Variants in VCAN observed in about 807,000 individuals in gnomAD.
The protein encoded by VCAN is versican, also known as versican core protein.
A neutral mutation model predicts 245.5 loss-of-function variants in VCAN; 44 were observed. The observed-to-expected ratio is 0.18, with a 90% CI of 0.14 to 0.23. VCAN has a LOEUF of 0.23. Among genes scored for constraint, VCAN ranks in the 10% least tolerant of loss-of-function variants. The pLI is 1.00. For synonymous variants in VCAN, 1,413 were observed against 1,437.0 expected (o/e 0.98, Z 0.38); for missense variants, 3,793 against 4,057.9 (o/e 0.93, Z 1.77).
chr5:83,542,389 C>T (rs1747041044), intron 8 of VCAN, 121 bp downstream of exon 8: 4 of 1,101,286 alleles, frequency 3.6e-6, no homozygotes, highest in Middle Eastern at 2.0e-4. Flanking sequence ...ATATTATTCA[C>T]ATAACAGCAG....
At chr5:83,473,527 T>C (rs1744273119) in intron 1 of VCAN, among the ~76,000 whole-genome samples, 2 of 152,102 alleles carry the variant, frequency 1.3e-5, no homozygotes, top group Admixed American at 1.3e-4. Context: ...TCTCTCTCTC[T>C]AGCTTCTGCG....
chr5:83,523,812 C>G (rs1746191547), intron 7 of VCAN, among the ~76,000 whole-genome samples: 1 of 151,884 alleles, frequency 6.6e-6, no homozygotes, highest in South Asian at 2.1e-4. Context: ...TCTCTCGGAA[C>G]TGGTGTAGGA....
At chr5:83,504,865 G>A (rs376636947) in intron 5 of VCAN, among the ~76,000 whole-genome samples, 83 of 152,222 alleles carry the variant, frequency 5.5e-4, no homozygotes, top group African/African-American at 1.8e-3. Context: ...ACAGTTCCAC[G>A]TGGCTGGGGA....
In VCAN at chr5:83,477,812, AAGAGACAT is replaced by A. The variant is rs531062802; in HGVS notation, c.-6-5696_-6-5689del. 8.3e-4 allele frequency among the ~76,000 whole-genome samples: 126 copies of A among 152,342 alleles called. 1 individual carries two copies. The Middle Eastern group carries it at 0.031, about 37-fold the overall frequency. ...AAAATTATGTACAGGTAGTGGCAGA[AAGAGACAT>A]AGAGTTTTAAAATTATAGAAAAAAT... On this transcript the variant is annotated intron_variant, in intron 1 of 14. Transcript: ENST00000265077.
intron 5 of VCAN, among the ~76,000 whole-genome samples, chr5:83,502,718 G>A (rs192134469): frequency 6.6e-6 from 1 of 152,236 alleles, no homozygotes; most frequent in Admixed American, 6.5e-5. Flanking sequence ...CTGATTTAGA[G>A]AATATTAACT....
chr5:83,538,059 G>A lies in VCAN; in HGVS notation c.5056G>A (p.Ala1686Thr). The A allele has an allele frequency of 6.2e-7, 1 of 1,614,056 alleles. No individual in the cohort carries two copies. The highest frequency in any genetic ancestry group is 8.5e-7 in the Non-Finnish European group (1 of 1,179,964). ...CACAGAAAGCTTTTTTGAGGTTCCTGCAACCACCATTTATCCAGTTTCTGA... is the reference window on the plus strand; with the variant it reads ...CACAGAAAGCTTTTTTGAGGTTCCTACAACCACCATTTATCCAGTTTCTGA... ...IITESFFEVP[A>T]TTIYPVSEQP... The change falls in exon 8 of 15, where the codon GCA (alanine) becomes ACA (threonine). Residue 1686 changes from alanine (A) to threonine (T), a missense_variant. By Grantham distance (58) the Ala-to-Thr change is moderately conservative. Around this residue, in one of 5 missense-constraint regions of VCAN, gnomAD observed 3,182 missense variants for 3,250.3 expected, o/e 0.98. Coordinates refer to ENST00000265077, the MANE Select transcript of VCAN (RefSeq NM_004385.5).
Position 83,540,886 on chromosome 5 carries a change from A to G in VCAN, c.7883A>G (p.Asn2628Ser). The G allele has an allele frequency of 6.2e-7, 1 of 1,614,018 alleles. No individual in the cohort carries two copies. Among genetic ancestry groups the G allele is most frequent in the Non-Finnish European group, 8.5e-7 (1 of 1,179,974 alleles). ...CAAGAGATCTATGAGGCAGCTGTCAACCTTTCTTTAACTGAGGAAACATTT... is the reference window on the plus strand; with the variant it reads ...CAAGAGATCTATGAGGCAGCTGTCAGCCTTTCTTTAACTGAGGAAACATTT... ...QVQEIYEAAV[N>S]LSLTEETFEG... Residue 2628 changes from asparagine (N) to serine (S), a missense_variant, in exon 8 of 15, where the codon AAC (asparagine) becomes AGC (serine). By Grantham distance (46) the Asn-to-Ser change is conservative (BLOSUM62 1). Around this residue, in one of 5 missense-constraint regions of VCAN, gnomAD observed 3,182 missense variants for 3,250.3 expected, o/e 0.98. Transcript: ENST00000265077.
In VCAN at chr5:83,521,084, T is replaced by C. The variant is rs1746073956; in HGVS notation, c.2778T>C (p.Gly926=). The change falls in exon 7 of 15, where the codon GGT becomes GGC. Residue 926 remains glycine (G), a synonymous_variant. Coordinates refer to ENST00000265077, the MANE Select transcript of VCAN (RefSeq NM_004385.5). ...CAACCATGGAAGGAAGTGCTTTGGG[T>C]GAAGTAGAAGATGTGGACCTCTCTA... ...VYATMEGSAL[G]EVEDVDLSKP... 6.2e-7 allele frequency: 1 copy of C among 1,614,130 alleles called. No homozygotes were observed. Among genetic ancestry groups the C allele is most frequent in the Non-Finnish European group, 8.5e-7 (1 of 1,179,986 alleles).
At chr5:83,547,308 T>C (rs1747264057) in intron 9 of VCAN, among the ~76,000 whole-genome samples, 1 of 152,154 alleles carries the variant, frequency 6.6e-6, no homozygotes, top group African/African-American at 2.4e-5. Flanking sequence ...CACCTCAAAG[T>C]ATGTGATTCA....
chr5:83,509,032 AAAAGAAAG>A (rs758201936), intron 5 of VCAN, among the ~76,000 whole-genome samples: 8 of 150,970 alleles, frequency 5.3e-5, no homozygotes, highest in African/African-American at 1.2e-4. Context: ...ATCTTTTTTG[AAAAGAAAG>A]AAAGAAAGAA....
In VCAN at chr5:83,519,125, C is replaced by A. The variant is rs187217783; in HGVS notation, c.1043-224C>A. Among the ~76,000 whole-genome samples, 126 of 152,264 alleles carry A rather than the reference C, an allele frequency of 8.3e-4. 2 individuals are homozygous for A. Among genetic ancestry groups the A allele is most frequent in the East Asian group, 5.8e-3 (30 of 5,186 alleles). On this transcript the variant is annotated intron_variant, in intron 6 of 14. Coordinates refer to ENST00000265077, the MANE Select transcript of VCAN (RefSeq NM_004385.5). The stretch of plus-strand genomic sequence containing the variant: ...TACTTTTAGGTAAAAGCAGTGATAA[C>A]CCTTATAACGTAAAACAACTGATCA...
chr5:83,474,223 G>A (rs1744301324), intron 1 of VCAN, among the ~76,000 whole-genome samples: 1 of 151,962 alleles, frequency 6.6e-6, no homozygotes, highest in African/African-American at 2.4e-5. Context: ...GGCAGTGGGA[G>A]GAAAAAAGAA....
intron 5 of VCAN, among the ~76,000 whole-genome samples, chr5:83,509,953 T>C (rs545730756): frequency 6.6e-6 from 1 of 152,356 alleles, no homozygotes; most frequent in Non-Finnish European, 1.5e-5. Context: ...AAAAGAGACC[T>C]AGCTTCTTAA....
chr5:83,502,939 G>A (rs1833890), intron 5 of VCAN, among the ~76,000 whole-genome samples: 4,870 of 152,178 alleles, frequency 0.032, 353 homozygotes, highest in East Asian at 0.29. Flanking sequence ...ACTAACTCTG[G>A]GGTCTAAAAT....
Position 83,520,102 on chromosome 5 carries a change from C to T in VCAN, c.1796C>T (p.Ser599Leu). The part of the protein sequence containing the change: ...TIHTHLEDLE[S>L]VSASTTVSPL... ...CACACTCATTTAGAAGACTTGGAGT[C>T]AGTCTCAGCATCCACAACTGTTTCC... Residue 599 changes from serine to leucine, a missense_variant, in exon 7 of 15, where the codon TCA becomes TTA. By Grantham distance (145) the Ser-to-Leu change is moderately radical. This residue lies in a region of VCAN where 3,182 missense variants were observed against 3,250.3 expected (regional missense o/e 0.98). Coordinates refer to ENST00000265077, the MANE Select transcript of VCAN (RefSeq NM_004385.5). 1 of 1,614,048 alleles carries T rather than the reference C, an allele frequency of 6.2e-7. No individual in the cohort carries two copies. The highest frequency in any genetic ancestry group is 8.5e-7 in the Non-Finnish European group (1 of 1,179,968).
chr5:83,522,336 T>C (rs1281549569), intron 7 of VCAN, 27 bp downstream of exon 7: 1 of 1,595,810 alleles, frequency 6.3e-7, no homozygotes, highest in Non-Finnish European at 8.5e-7. Context: ...TAGACTAGCA[T>C]TGAAGGCAAT....
chr5:83,566,401 A>G (rs574005613), intron 12 of VCAN, among the ~76,000 whole-genome samples: 43 of 152,270 alleles, frequency 2.8e-4, no homozygotes, highest in African/African-American at 9.6e-4. Context: ...CTGAGATTTT[A>G]GGTCATTGAT....
intron 2 of VCAN, among the ~76,000 whole-genome samples, chr5:83,486,088 G>T (rs768055525): frequency 6.6e-6 from 1 of 151,930 alleles, no homozygotes; most frequent in Non-Finnish European, 1.5e-5. Context: ...AGTCATGATC[G>T]CACCACTGCA....
At chr5:83,508,507 G>A (rs1745547425) in intron 5 of VCAN, among the ~76,000 whole-genome samples, 1 of 152,192 alleles carries the variant, frequency 6.6e-6, no homozygotes, top group South Asian at 2.1e-4. Context: ...ATTCTATAGT[G>A]TAAATGCTTC....
Sources: allele counts gnomAD v4.1 joint callset (sites outside exome capture counted in the v4.1 genomes callset), GRCh38; gene constraint gnomAD v4.1.1; regional missense constraint gnomAD v4.1.1; transcripts MANE v1.5; gene names NCBI Gene and HGNC (gene_info 2026-07-23, HGNC 2026-07-21).